The following SLC24A3 variants were observed in gnomAD, a reference collection of about 807,000 sequenced individuals.
The protein encoded by SLC24A3 is sodium/potassium/calcium exchanger 3.
Under a neutral mutation model 75.8 loss-of-function variants are expected in SLC24A3, and 28 were observed. That is an observed-to-expected ratio of 0.37 (90% CI 0.27 to 0.51). The LOEUF is 0.51. Ranked by LOEUF, SLC24A3 falls within the 20% of genes least tolerant of loss-of-function variation. The pLI is 0.94. For missense variants in SLC24A3, 663 were observed against 847.8 expected, an observed-to-expected ratio of 0.78 and a Z score of 2.71; for synonymous variants, 372 against 334.1, an observed-to-expected ratio of 1.11 and a Z score of -1.24.
At chr20:19,245,557 TACTA>T (rs967375970) in intron 1 of SLC24A3, among the ~76,000 whole-genome samples, 2 of 152,100 alleles carry the variant, frequency 1.3e-5, no homozygotes, top group African/African-American at 4.8e-5. Flanking sequence ...TATGGAGAAT[TACTA>T]AGATAATACA....
At chr20:19,438,392 A>G (rs1987241944) in intron 2 of SLC24A3, among the ~76,000 whole-genome samples, 2 of 152,224 alleles carry the variant, frequency 1.3e-5, no homozygotes, top group Non-Finnish European at 1.5e-5. Context: ...CTCCTGGCCC[A>G]TCACCTGCTT....
At chr20:19,228,184 A>G (rs924821687) in intron 1 of SLC24A3, among the ~76,000 whole-genome samples, 1 of 152,172 alleles carries the variant, frequency 6.6e-6, no homozygotes, top group Admixed American at 6.5e-5. Context: ...AACTTATTCT[A>G]TGAATCAATA....
intron 1 of SLC24A3, among the ~76,000 whole-genome samples, chr20:19,232,759 T>C (rs1354433245): frequency 2.6e-5 from 4 of 152,234 alleles, no homozygotes; most frequent in African/African-American, 7.2e-5. Context: ...ATAATTTTTG[T>C]CTAAATCTAT....
chr20:19,364,886 A>T (rs1414151688), intron 2 of SLC24A3, among the ~76,000 whole-genome samples: 1 of 152,178 alleles, frequency 6.6e-6, no homozygotes, highest in African/African-American at 2.4e-5. Flanking sequence ...CCCTACCAGA[A>T]AAGTAGGCAC....
At chr20:19,619,804 T>C (rs1390462259) in intron 6 of SLC24A3, among the ~76,000 whole-genome samples, 1 of 152,210 alleles carries the variant, frequency 6.6e-6, no homozygotes, top group Non-Finnish European at 1.5e-5. Context: ...GAATGACAGC[T>C]GATAGGGTCT....
At chr20:19,517,084 T>G (rs149314707) in intron 3 of SLC24A3, among the ~76,000 whole-genome samples, 1 of 152,126 alleles carries the variant, frequency 6.6e-6, no homozygotes, top group Non-Finnish European at 1.5e-5. Flanking sequence ...ACCAAATGAG[T>G]AAGGAGAGCC....
chr20:19,286,161 G>A (rs754980586), intron 2 of SLC24A3, among the ~76,000 whole-genome samples: 29 of 152,184 alleles, frequency 1.9e-4, no homozygotes, highest in Non-Finnish European at 4.1e-4. Context: ...TGTGTTTCAA[G>A]ACCAAAGTCA....
chr20:19,708,672 T>G (rs2032955589), intron 15 of SLC24A3, among the ~76,000 whole-genome samples: 1 of 152,230 alleles, frequency 6.6e-6, no homozygotes, highest in Non-Finnish European at 1.5e-5. Flanking sequence ...AGAAGACCAC[T>G]GCTAGGGTCT....
At chr20:19,704,128 T>G (rs1429070351) in intron 15 of SLC24A3, among the ~76,000 whole-genome samples, 1 of 152,106 alleles carries the variant, frequency 6.6e-6, no homozygotes, top group African/African-American at 2.4e-5. Flanking sequence ...TTGGAACATA[T>G]TCCACAAATA....
chr20:19,288,371 TAGCTTTGACATCCCTTTAGGGC>T (rs1983862430), intron 2 of SLC24A3, among the ~76,000 whole-genome samples: 1 of 152,226 alleles, frequency 6.6e-6, no homozygotes. Context: ...TTGTTTTTTC[TAGCTTTGACATCCCTTTAGGGC>T]ATTTTTATTG....
At chr20:19,445,277 T>C (rs1378103631) in intron 2 of SLC24A3, among the ~76,000 whole-genome samples, 3 of 152,224 alleles carry the variant, frequency 2.0e-5, no homozygotes, top group Non-Finnish European at 4.4e-5. Context: ...CTGATTTGGG[T>C]TACAACCTTA....
At chr20:19,655,359 A>G (rs1247883590) in intron 7 of SLC24A3, among the ~76,000 whole-genome samples, 1 of 152,194 alleles carries the variant, frequency 6.6e-6, no homozygotes, top group Non-Finnish European at 1.5e-5. Context: ...TTGTGGGGAA[A>G]AACTCATACT....
chr20:19,216,581 C>T (rs1981562449), intron 1 of SLC24A3, among the ~76,000 whole-genome samples: 1 of 151,700 alleles, frequency 6.6e-6, no homozygotes, highest in South Asian at 2.1e-4. Context: ...TGTACCCCAG[C>T]CTGGGCAACA....
intron 3 of SLC24A3, among the ~76,000 whole-genome samples, chr20:19,548,433 T>C (rs1341333684): frequency 6.6e-6 from 1 of 152,256 alleles, no homozygotes; most frequent in Non-Finnish European, 1.5e-5. Flanking sequence ...TGTGCACTAG[T>C]ATGGTAGGCT....
intron 2 of SLC24A3, among the ~76,000 whole-genome samples, chr20:19,318,758 A>C (rs1984640081): frequency 6.6e-6 from 1 of 152,128 alleles, no homozygotes; most frequent in African/African-American, 2.4e-5. Context: ...GATGCTCTTC[A>C]GGGCTGGAAG....
rs568057173 is a variant in SLC24A3, at chr20:19,408,696, T to G, written c.272-106792T>G. On this transcript the variant is annotated intron_variant, in intron 2 of 16. Transcript: ENST00000328041. ...TCAGCCACCACACCCGGCCTAAAAA[T>G]ACTGTTCTGATGACCATCCTTGTGC... Among the ~76,000 whole-genome samples the G allele has an allele frequency of 1.2e-4, 18 of 152,288 alleles. 1 individual carries two copies. In the South Asian group the frequency reaches 3.3e-3, roughly 28 times the overall value.
chr20:19,303,078 G>A (rs1984234089), intron 2 of SLC24A3, among the ~76,000 whole-genome samples: 1 of 151,852 alleles, frequency 6.6e-6, no homozygotes, highest in South Asian at 2.1e-4. Context: ...TGCATGTCGT[G>A]GGGGTTTTGT....
chr20:19,681,756 G>C, intron 9 of SLC24A3, 102 bp from the exon 10 acceptor site: 2 of 1,576,526 alleles, frequency 1.3e-6, no homozygotes, highest in Non-Finnish European at 1.7e-6. Flanking sequence ...CCTGGTGACT[G>C]TGCATGCAGA....
intron 2 of SLC24A3, among the ~76,000 whole-genome samples, chr20:19,447,809 C>T (rs1406743877): frequency 6.6e-6 from 1 of 152,200 alleles, no homozygotes; most frequent in African/African-American, 2.4e-5. Context: ...TGTTTCTGCA[C>T]TTGGGACTCC....
Sources: allele counts gnomAD v4.1 joint callset (sites outside exome capture counted in the v4.1 genomes callset), GRCh38; gene constraint gnomAD v4.1.1; transcripts MANE v1.5; gene names NCBI Gene and HGNC (gene_info 2026-07-23, HGNC 2026-07-21).